TMPRSS11D: variants seen among roughly 807,000 people sequenced by gnomAD.
TMPRSS11D encodes transmembrane protease serine 11D.
A neutral mutation model predicts 44.4 loss-of-function variants in TMPRSS11D; 32 were observed. The ratio of observed to expected loss-of-function variants is 0.72; its 90% CI spans 0.54 to 0.97. TMPRSS11D has a LOEUF of 0.97. Among genes scored for constraint, TMPRSS11D ranks in the 50% least tolerant of loss-of-function variants. TMPRSS11D has a pLI of 0.00. For synonymous variants in TMPRSS11D, 179 were observed against 177.9 expected, an observed-to-expected ratio of 1.01 and a Z score of -0.05; for missense variants, 446 against 502.6, an observed-to-expected ratio of 0.89 and a Z score of 1.08.
chr4:67,830,216 T>C (rs770394552), intron 7 of TMPRSS11D, among the ~76,000 whole-genome samples: 9 of 152,026 alleles, frequency 5.9e-5, no homozygotes, highest in Non-Finnish European at 1.0e-4. Flanking sequence ...AAAAACACTA[T>C]AGGTTTTGTA....
intron 1 of TMPRSS11D, among the ~76,000 whole-genome samples, chr4:67,874,593 G>A (rs1389367907): frequency 6.6e-6 from 1 of 152,108 alleles, no homozygotes; most frequent in African/African-American, 2.4e-5. Context: ...GAGTGAGGAG[G>A]TGAGAAGGGA....
intron 2 of TMPRSS11D, among the ~76,000 whole-genome samples, chr4:67,857,199 A>C (rs987146034): frequency 6.6e-6 from 1 of 151,196 alleles, no homozygotes; most frequent in African/African-American, 2.4e-5. Context: ...TTATCGCAGC[A>C]CTGTTCACAA....
intron 3 of TMPRSS11D, among the ~76,000 whole-genome samples, chr4:67,846,620 A>G (rs1229822086): frequency 6.6e-6 from 1 of 152,208 alleles, no homozygotes; most frequent in East Asian, 1.9e-4. Context: ...AAATTCAGCA[A>G]GTGAATTTCC....
intron 1 of TMPRSS11D, among the ~76,000 whole-genome samples, chr4:67,877,796 C>T (rs777621064): frequency 3.9e-5 from 6 of 152,136 alleles, no homozygotes; most frequent in Non-Finnish European, 8.8e-5. Flanking sequence ...TATTGCAAGT[C>T]CCACCACTTT....
At chr4:67,848,060 G>A (rs1718398256) in intron 3 of TMPRSS11D, among the ~76,000 whole-genome samples, 1 of 152,108 alleles carries the variant, frequency 6.6e-6, no homozygotes, top group African/African-American at 2.4e-5. Flanking sequence ...AATCCCTGAT[G>A]GTATAAGTTA....
At chr4:67,824,144 T>C (rs1717725377) in intron 9 of TMPRSS11D, among the ~76,000 whole-genome samples, 1 of 151,854 alleles carries the variant, frequency 6.6e-6, no homozygotes, top group Non-Finnish European at 1.5e-5. Context: ...TGTGTTTTTT[T>C]TTTTTTTTTA....
chr4:67,871,961 T>C (rs1229866299), intron 1 of TMPRSS11D, among the ~76,000 whole-genome samples: 1 of 152,200 alleles, frequency 6.6e-6, no homozygotes, highest in Non-Finnish European at 1.5e-5. Context: ...TTTAAGAACA[T>C]GTACTGAGTG....
chr4:67,871,932 T>C (rs1209091509), intron 1 of TMPRSS11D, among the ~76,000 whole-genome samples: 1 of 152,300 alleles, frequency 6.6e-6, no homozygotes, highest in Middle Eastern at 3.4e-3. Flanking sequence ...GGAGCAATAC[T>C]TTGTTGACTC....
chr4:67,869,003 T>A (rs1474510105), intron 1 of TMPRSS11D, among the ~76,000 whole-genome samples: 1 of 152,230 alleles, frequency 6.6e-6, no homozygotes, highest in Non-Finnish European at 1.5e-5. Flanking sequence ...AAGTCCAAGA[T>A]GAAACTTTGA....
intron 1 of TMPRSS11D, among the ~76,000 whole-genome samples, chr4:67,871,403 T>A (rs1246690584): frequency 1.3e-5 from 2 of 152,202 alleles, no homozygotes; most frequent in Non-Finnish European, 2.9e-5. Flanking sequence ...CTCTCATACC[T>A]CATCTTCCTC....
chr4:67,833,358 T>C lies in TMPRSS11D; in HGVS notation c.538A>G (p.Ile180Val). The C allele has an allele frequency of 6.3e-7, 1 of 1,576,012 alleles. No individual in the cohort carries two copies. Among genetic ancestry groups the C allele is most frequent in the Non-Finnish European group, 8.6e-7 (1 of 1,162,294 alleles). ...AGGATTCTCTGCTCAGACAATGTTA[T>C]TAGGTCTGGACCGGCCCCACATTCT... ...INECGAGPDLITLSEQRILGG... is the reference protein window; with the variant it reads ...INECGAGPDLVTLSEQRILGG... The change falls in exon 7 of 10, where the codon ATA (isoleucine) becomes GTA (valine). Residue 180 changes from isoleucine (I) to valine (V), a missense_variant. Transcript: ENST00000283916.
chr4:67,854,019 C>T, intron 3 of TMPRSS11D, 49 bp downstream of exon 3: 1 of 1,097,004 alleles, frequency 9.1e-7, no homozygotes, highest in Non-Finnish European at 1.3e-6. Context: ...GGTTTATTAT[C>T]ATATTCATTT....
At chr4:67,870,935 G>T (rs1219361078) in intron 1 of TMPRSS11D, among the ~76,000 whole-genome samples, 1 of 151,610 alleles carries the variant, frequency 6.6e-6, no homozygotes, top group Non-Finnish European at 1.5e-5. Flanking sequence ...TTTGTTATCT[G>T]TCTCCCTCCG....
Position 67,857,491 on chromosome 4 carries a change from G to A in TMPRSS11D, c.130+2066C>T, listed in dbSNP as rs148806801. ...TAGCCAGGCATGGTGGCTCATGCCTGTAATCCCTGTAATCCCAGTACTTGG... is the reference window on the plus strand; with the variant it reads ...TAGCCAGGCATGGTGGCTCATGCCTATAATCCCTGTAATCCCAGTACTTGG... On this transcript the variant is annotated intron_variant, in intron 2 of 9. Coordinates refer to ENST00000283916, the MANE Select transcript of TMPRSS11D (RefSeq NM_004262.3). Among the ~76,000 whole-genome samples the A allele has an allele frequency of 7.3e-3, 1,111 of 151,916 alleles. 13 individuals are homozygous for A. Among genetic ancestry groups the A allele is most frequent in the African/African-American group, 0.026 (1,070 of 41,418 alleles).
At chr4:67,825,258 T>C (rs1172030629) in intron 9 of TMPRSS11D, among the ~76,000 whole-genome samples, 2 of 151,894 alleles carry the variant, frequency 1.3e-5, no homozygotes, top group Non-Finnish European at 2.9e-5. Flanking sequence ...ATTTTTTATT[T>C]AATCCTTCAC....
chr4:67,877,088 T>C (rs1211736328), intron 1 of TMPRSS11D, among the ~76,000 whole-genome samples: 1 of 152,218 alleles, frequency 6.6e-6, no homozygotes, highest in Non-Finnish European at 1.5e-5. Context: ...AAACGGGCGA[T>C]AGGTATGAGG....
At chr4:67,879,437 A>T (rs1367777294) in intron 1 of TMPRSS11D, among the ~76,000 whole-genome samples, 1 of 144,286 alleles carries the variant, frequency 6.9e-6, no homozygotes, top group South Asian at 2.2e-4. Flanking sequence ...AGGCCACTGC[A>T]CTCCAGCCTG....
At chr4:67,826,760 GAA>G (rs35777866) in intron 8 of TMPRSS11D, among the ~76,000 whole-genome samples, 2 of 125,860 alleles carry the variant, frequency 1.6e-5, no homozygotes, top group Non-Finnish European at 1.6e-5. Flanking sequence ...CCTGTCTGTA[GAA>G]AAAAAAAAAA....
intron 2 of TMPRSS11D, among the ~76,000 whole-genome samples, chr4:67,857,276 T>C (rs921475931): frequency 6.7e-4 from 3 of 4,496 alleles, no homozygotes; most frequent in African/African-American, 9.7e-4. Flanking sequence ...ATATGGTATA[T>C]ATATATATAT....
Sources: gnomAD v4.1 joint callset for allele counts (sites outside exome capture counted in the v4.1 genomes callset) on GRCh38, gnomAD v4.1.1 for gene constraint, MANE v1.5 for transcripts, NCBI Gene and HGNC (gene_info 2026-07-23, HGNC 2026-07-21) for gene names.